MYO1F: variants seen among roughly 807,000 people sequenced by gnomAD.
The protein encoded by MYO1F is myosin IF, also known as unconventional myosin-If.
In MYO1F, 60 loss-of-function variants were observed where a neutral mutation model predicts 146.6. That is an observed-to-expected ratio of 0.41 (90% CI 0.33 to 0.51). The LOEUF (loss-of-function observed/expected upper bound fraction) is 0.51, where lower values mean the gene tolerates loss of function less well. Ranked by LOEUF, MYO1F falls within the 20% of genes least tolerant of loss-of-function variation. MYO1F has a pLI of 0.25. For missense variants in MYO1F, 1,274 were observed against 1,534.3 expected, an observed-to-expected ratio of 0.83 and a Z score of 2.83; for synonymous variants, 602 against 602.1, an observed-to-expected ratio of 1.00 and a Z score of 0.00.
chr19:8,562,136 G>A lies in MYO1F; in HGVS notation c.4-6340C>T, dbSNP rs537795249. Among the ~76,000 whole-genome samples, 302 of 151,006 alleles carry A rather than the reference G, an allele frequency of 2.0e-3. 1 individual carries two copies. Among genetic ancestry groups the A allele is most frequent in the Non-Finnish European group, 3.1e-3 (210 of 67,866 alleles). Reference sequence around the variant, plus strand: ...TGCAAGCCTCGCCTCCAGGGTTCACGCCGTTCTCCTGCCCGGCTAATTTTT... The same window carrying A: ...TGCAAGCCTCGCCTCCAGGGTTCACACCGTTCTCCTGCCCGGCTAATTTTT... On this transcript the variant is annotated intron_variant, in intron 1 of 27. Transcript: ENST00000644032.
rs1973243810 is a variant in MYO1F at position 8,544,387 on chromosome 19, T to C, written c.1434A>G (p.Thr478=). 1.2e-6 allele frequency: 2 copies of C among 1,613,090 alleles called. No individual in the cohort carries two copies. Among genetic ancestry groups the C allele is most frequent in the Admixed American group, 1.7e-5 (1 of 59,968 alleles). The change falls in exon 14 of 28, where the codon ACA becomes ACG. Residue 478 remains threonine (T), a synonymous_variant. Transcript: ENST00000644032. The part of the protein sequence containing the change: ...MHATGGGADQ[T]LLQKLQAAVG... ...CAGCCGCCTGCAGCTTCTGCAGCAG[T>C]GTCTGGTCTGCTCCCCCGCCCGTGG...
rs143662273 is a variant in MYO1F, at chr19:8,558,224, C to T, written c.4-2428G>A. Among the ~76,000 whole-genome samples, 465 of 151,992 alleles carry T rather than the reference C, an allele frequency of 3.1e-3. 3 individuals are homozygous for T. The highest frequency in any genetic ancestry group is 0.01 in the African/African-American group (434 of 41,438). ...TGTCACCCAGGCTGGAGTGCAGTGGCGGGATCATAGCTCACTGTAGCCCTG... is the reference window on the plus strand; with the variant it reads ...TGTCACCCAGGCTGGAGTGCAGTGGTGGGATCATAGCTCACTGTAGCCCTG... On this transcript the variant is annotated intron_variant, in intron 1 of 27. Transcript: ENST00000644032.
intron 23 of MYO1F, 78 bp from the exon 24 acceptor site, chr19:8,526,679 G>GCGGGGCCGCGGC: frequency 6.5e-7 from 1 of 1,541,690 alleles, no homozygotes; most frequent in African/African-American, 1.4e-5. Context: ...TGGGGCAGGG[G>GCGGGGCCGCGGC]CGGGGCCGCG....
chr19:8,548,605 TC>T (rs1973472646), intron 10 of MYO1F, among the ~76,000 whole-genome samples: 1 of 143,078 alleles, frequency 7.0e-6, no homozygotes, highest in African/African-American at 2.8e-5. Context: ...TTTTTTTTTT[TC>T]TTTTTTTTTT....
intron 19 of MYO1F, among the ~76,000 whole-genome samples, chr19:8,531,488 ACAG>A (rs200722509): frequency 0.013 from 1,998 of 152,162 alleles, 27 homozygotes; most frequent in Admixed American, 0.021. Context: ...AGCTGGGACT[ACAG>A]CTGTGAGCCA....
Position 8,553,226 on chromosome 19 carries a change from G to A in MYO1F, c.417C>T (p.His139=), listed in dbSNP as rs35778736. ...KVSGGGEKVQ[H]VKDIILQSNP... ...TGGACTGCAGGATGATATCTTTGAC[G>A]TGCTGGGGCAGAGGCAGGTGGAGTG... The change falls in exon 6 of 28, where the codon CAC becomes CAT. Residue 139 remains histidine, a splice_region_variant and synonymous_variant. Coordinates refer to ENST00000644032, the MANE Select transcript of MYO1F (RefSeq NM_012335.4). 0.016 allele frequency: 25,757 copies of A among 1,614,082 alleles called. 228 individuals carry two copies. Among genetic ancestry groups the A allele is most frequent in the Middle Eastern group, 0.029 (175 of 6,062 alleles).
chr19:8,555,376 CAAAAAAAAAAAAAA>C (rs886749061), intron 2 of MYO1F: 103 of 100,296 alleles, frequency 1.0e-3, no homozygotes, highest in South Asian at 1.2e-3. Flanking sequence ...GACTCCGTCT[CAAAAAAAAAAAAAA>C]AAAAAAAAAA....
chr19:8,561,321 C>G (rs1974091544), intron 1 of MYO1F, among the ~76,000 whole-genome samples: 1 of 151,860 alleles, frequency 6.6e-6, no homozygotes, highest in Non-Finnish European at 1.5e-5. Context: ...ACCCCTCACA[C>G]TGCTCCTGGC....
Position 8,530,969 on chromosome 19 carries a change from G to A in MYO1F, c.2044-396C>T, listed in dbSNP as rs777153825. ...TGAGGCAGGAGAATCACTTGAACCC[G>A]GGAGGCGGAGGTTGCAGTGAGCTGA... On this transcript the variant is annotated intron_variant, in intron 19 of 27. Coordinates refer to ENST00000644032, the MANE Select transcript of MYO1F (RefSeq NM_012335.4). The surrounding 1 kb of genome is among the most constrained non-coding windows in gnomAD (Gnocchi z 5.8). Among the ~76,000 whole-genome samples the A allele has an allele frequency of 6.6e-5, 10 of 152,222 alleles. No individual in the cohort carries two copies. Among genetic ancestry groups the A allele is most frequent in the South Asian group, 4.1e-4 (2 of 4,824 alleles).
At chr19:8,523,242 C>A (rs941537488) in intron 25 of MYO1F, among the ~76,000 whole-genome samples, 5 of 152,050 alleles carry the variant, frequency 3.3e-5, no homozygotes, top group Non-Finnish European at 7.4e-5. Flanking sequence ...ATCATGTTAG[C>A]CAGGATGGTC....
chr19:8,549,713 C>T lies in MYO1F; in HGVS notation c.1101+447G>A, dbSNP rs926820027. Reference sequence around the variant, plus strand: ...AGAGAGGGGGTTTCACCATGTTGGCCAGGCTGGTCTCAAACTCCAGACCTC... The same window carrying T: ...AGAGAGGGGGTTTCACCATGTTGGCTAGGCTGGTCTCAAACTCCAGACCTC... On this transcript the variant is annotated intron_variant, in intron 10 of 27. Transcript: ENST00000644032. The T allele has an allele frequency of 2.6e-5, 5 of 191,780 alleles. No individual in the cohort carries two copies. The South Asian group carries it at 4.4e-4, about 17-fold the overall frequency. The allele number at this position is 191,780 out of a possible 1,614,324, so 11.9% of individuals were successfully genotyped here.
At chr19:8,559,905 G>T (rs1384979282) in intron 1 of MYO1F, among the ~76,000 whole-genome samples, 1 of 145,688 alleles carries the variant, frequency 6.9e-6, no homozygotes, top group Non-Finnish European at 1.5e-5. Flanking sequence ...AGCCCAGATT[G>T]TGCCATTGCA....
chr19:8,554,838 T>G, intron 2 of MYO1F, 95 bp from the exon 3 acceptor site: 1 of 1,127,452 alleles, frequency 8.9e-7, no homozygotes, highest in Non-Finnish European at 1.3e-6. Context: ...AAAACTCCAT[T>G]GCTTGGAGGT....
rs184591213 is a variant in MYO1F, at chr19:8,557,447, G to A, written c.4-1651C>T. ...CTCCTGGGTAGCTGGGACTACAGAC[G>A]TGCACCACCATGCCTGGATAATTTT... On this transcript the variant is annotated intron_variant, in intron 1 of 27. Transcript: ENST00000644032. Among the ~76,000 whole-genome samples the A allele has an allele frequency of 5.3e-5, 8 of 152,190 alleles. No homozygotes were observed. The East Asian group carries it at 1.2e-3, about 22-fold the overall frequency.
intron 12 of MYO1F, among the ~76,000 whole-genome samples, chr19:8,546,056 CTTTTTTTTTT>C (rs58638075): frequency 3.9e-4 from 37 of 94,940 alleles, no homozygotes; most frequent in African/African-American, 1.4e-3. Context: ...TATTTTGACT[CTTTTTTTTTT>C]TTTTTTTTTT....
intron 1 of MYO1F, among the ~76,000 whole-genome samples, chr19:8,574,607 T>C (rs868966600): frequency 0.12 from 5,630 of 47,344 alleles, 179 homozygotes; most frequent in African/African-American, 0.17. Flanking sequence ...CTTTCTTTCT[T>C]TCTTTCTTTC....
At position 8,542,793 on chromosome 19, in the gene MYO1F, C is replaced by T. The variant is rs1347127293; in HGVS notation, c.1525-802G>A. The stretch of plus-strand genomic sequence containing the variant: ...TTTTTTTTTTTATTTTTAATAGAGA[C>T]GGGGTTTCAATATGTTAGCCAGGAT... On this transcript the variant is annotated intron_variant, in intron 14 of 27. Transcript: ENST00000644032. Among the ~76,000 whole-genome samples the T allele has an allele frequency of 3.4e-5, 5 of 149,010 alleles. 1 individual carries two copies. Among genetic ancestry groups the T allele is most frequent in the Admixed American group, 1.3e-4 (2 of 14,894 alleles).
intron 21 of MYO1F, among the ~76,000 whole-genome samples, chr19:8,529,337 G>A (rs369342617): frequency 3.9e-5 from 6 of 152,082 alleles, no homozygotes; most frequent in Admixed American, 6.6e-5. Context: ...TACAGGTGAC[G>A]GTAAACAGGC....
At position 8,541,643 on chromosome 19, in the gene MYO1F, G is replaced by A. The variant is rs185545870; in HGVS notation, c.1610+263C>T. 984 of 493,188 alleles carry A rather than the reference G, an allele frequency of 2.0e-3. 4 individuals carry two copies. Among genetic ancestry groups the A allele is most frequent in the Non-Finnish European group, 1.9e-3 (514 of 268,418 alleles). 30.6% of individuals were successfully genotyped at this position (493,188 alleles called of 1,614,324 possible). A position where few individuals can be genotyped will look rare whatever the true frequency, so the allele number is the denominator to read the frequency against. ...AAGGTTTTGCCATGTTGCCCAGGCTGGTCTCAAACTCTTGGCCTCAAGAGA... is the reference window on the plus strand; with the variant it reads ...AAGGTTTTGCCATGTTGCCCAGGCTAGTCTCAAACTCTTGGCCTCAAGAGA... On this transcript the variant is annotated intron_variant, in intron 15 of 27. Transcript: ENST00000644032.
Sources: gnomAD v4.1 joint callset for allele counts (sites outside exome capture counted in the v4.1 genomes callset) on GRCh38, gnomAD v4.1.1 for gene constraint, Gnocchi (gnomAD v3.1) non-coding constraint, MANE v1.5 for transcripts, NCBI Gene and HGNC (gene_info 2026-07-23, HGNC 2026-07-21) for gene names.